The following RBBP6 variants were observed in gnomAD, a reference collection of about 807,000 sequenced individuals.
The protein encoded by RBBP6 is RB binding protein 6, ubiquitin ligase, also known as E3 ubiquitin-protein ligase RBBP6.
RBBP6 carries 25 observed loss-of-function variants against 167.7 expected under a neutral mutation model. The observed-to-expected ratio is 0.15, with a 90% CI of 0.11 to 0.21. RBBP6 has a LOEUF of 0.21. Among genes scored for constraint, RBBP6 ranks in the 10% least tolerant of loss-of-function variants. RBBP6 has a pLI of 1.00. For synonymous variants in RBBP6, 789 were observed against 735.8 expected (o/e 1.07, Z -1.17); for missense variants, 1,868 against 2,134.2 (o/e 0.88, Z 2.46).
In RBBP6 at chr16:24,569,439, A is replaced by G; in HGVS notation, c.2749A>G (p.Lys917Glu). ...GHNQKDNTKSKEKESENAPGD... is the reference protein window; with the variant it reads ...GHNQKDNTKSEEKESENAPGD... ...CAATCAGAAGGATAATACAAAGTCA[A>G]AAGAGAAGGAGAGTGAAAACGCTCC... The change falls in exon 17 of 18, where the codon AAA (lysine) becomes GAA (glutamate). Residue 917 changes from lysine (K) to glutamate (E), a missense_variant. Around this residue, in one of 7 missense-constraint regions of RBBP6, gnomAD observed 673 missense variants for 691.5 expected, o/e 0.97. Transcript: ENST00000319715. 2 of 1,613,866 alleles carry G rather than the reference A, an allele frequency of 1.2e-6. No individual in the cohort carries two copies. Among genetic ancestry groups the G allele is most frequent in the Non-Finnish European group, 1.7e-6 (2 of 1,179,970 alleles).
In RBBP6 at chr16:24,558,388, T is replaced by C. The variant is rs1033842510; in HGVS notation, c.675-1117T>C. ...CCTCTGTTCTCCTCTTTTTTTCTTTTTTTTTTTTTTCTTTTTTCTCTCTTT... is the reference window on the plus strand; with the variant it reads ...CCTCTGTTCTCCTCTTTTTTTCTTTCTTTTTTTTTTCTTTTTTCTCTCTTT... On this transcript the variant is annotated intron_variant, in intron 7 of 17. Coordinates refer to ENST00000319715, the MANE Select transcript of RBBP6 (RefSeq NM_006910.5). 17 of 796,416 alleles carry C rather than the reference T, an allele frequency of 2.1e-5. No individual in the cohort carries two copies. In the East Asian group the frequency reaches 5.0e-4, roughly 24 times the overall value. The allele number at this position is 796,416 out of a possible 1,614,324, so 49.3% of individuals were successfully genotyped here.
chr16:24,570,810 T>C (rs1207570279), intron 17 of RBBP6, 66 bp from the exon 18 acceptor site: 1 of 1,213,784 alleles, frequency 8.2e-7, no homozygotes, highest in Non-Finnish European at 1.1e-6. Context: ...ATTTTTATAT[T>C]TATCAGTGTT....
At chr16:24,563,693 A>T in intron 13 of RBBP6, 29 bp downstream of exon 13, 4 of 1,599,746 alleles carry the variant, frequency 2.5e-6, no homozygotes, top group Non-Finnish European at 3.4e-6. Context: ...TAATCTTCAG[A>T]TGATTGCCTG....
Position 24,541,203 on chromosome 16 carries a change from AC to A in RBBP6, c.166+413del, listed in dbSNP as rs770999636. Among the ~76,000 whole-genome samples, 22 of 87,980 alleles carry A rather than the reference AC, an allele frequency of 2.5e-4. 1 individual carries two copies. Among genetic ancestry groups the A allele is most frequent in the Middle Eastern group, 7.2e-3 (1 of 138 alleles). 57.7% of individuals were successfully genotyped at this position (87,980 alleles called of 152,430 possible). A position where few individuals can be genotyped will look rare whatever the true frequency, so the allele number is the denominator to read the frequency against. ...CAGCAAAAAAAAAAACAAAAAAAAA[AC>A]CAAAAAAACAATTTTCTAACCTAAC... On this transcript the variant is annotated intron_variant, in intron 1 of 17. Transcript: ENST00000319715.
At chr16:24,558,814 AAC>A (rs1439665275) in intron 7 of RBBP6, among the ~76,000 whole-genome samples, 1 of 152,234 alleles carries the variant, frequency 6.6e-6, no homozygotes, top group Non-Finnish European at 1.5e-5. Context: ...ACATTTTTGT[AAC>A]ACCGATTTTG....
chr16:24,564,257 A>C (rs1237765214), intron 13 of RBBP6, among the ~76,000 whole-genome samples: 3 of 152,182 alleles, frequency 2.0e-5, no homozygotes, highest in African/African-American at 7.2e-5. Flanking sequence ...CCGATTGAAA[A>C]TTGATATATT....
chr16:24,544,914 C>T (rs1326211912), intron 1 of RBBP6, among the ~76,000 whole-genome samples: 1 of 152,140 alleles, frequency 6.6e-6, no homozygotes, highest in South Asian at 2.1e-4. Context: ...CCCCCATATT[C>T]GGTCCATCAG....
Position 24,569,362 on chromosome 16 carries a change from G to A in RBBP6, c.2672G>A (p.Ser891Asn). Reference sequence around the variant, plus strand: ...TATGTTGGTGGGCAAAGTCATAGAAGTCGAAACATAGGTAGCAACTATCCA... The same window carrying A: ...TATGTTGGTGGGCAAAGTCATAGAAATCGAAACATAGGTAGCAACTATCCA... The part of the protein sequence containing the change: ...EDYVGGQSHR[S>N]RNIGSNYPEK... Residue 891 changes from serine (S) to asparagine (N), a missense_variant, in exon 17 of 18, where the codon AGT becomes AAT. Coordinates refer to ENST00000319715, the MANE Select transcript of RBBP6 (RefSeq NM_006910.5). The A allele has an allele frequency of 6.2e-7, 1 of 1,614,092 alleles. No individual in the cohort carries two copies. Among genetic ancestry groups the A allele is most frequent in the South Asian group, 1.1e-5 (1 of 91,078 alleles).
At chr16:24,541,721 G>A (rs568266957) in intron 1 of RBBP6, among the ~76,000 whole-genome samples, 1 of 152,244 alleles carries the variant, frequency 6.6e-6, no homozygotes, top group South Asian at 2.1e-4. Flanking sequence ...ACTTGTTTTG[G>A]TTTCTTTTTC....
rs1714490920 is a variant in RBBP6 at position 24,540,385 on chromosome 16, C to T, written c.-242C>T. On this transcript the variant is annotated 5_prime_UTR_variant, in exon 1 of 18. Transcript: ENST00000319715. ...TGCCCGTTGGCGGATTCTCGATTTC[C>T]CCTCTTCCCCGTCCTCGTCCTCCTC... 5.1e-6 allele frequency: 2 copies of T among 394,684 alleles called. No individual in the cohort carries two copies. The highest frequency in any genetic ancestry group is 9.2e-6 in the Non-Finnish European group (2 of 218,110). 24.4% of individuals were successfully genotyped at this position (394,684 alleles called of 1,614,324 possible).
In RBBP6 at chr16:24,569,965, A is replaced by G. The variant is rs779657084; in HGVS notation, c.3275A>G (p.His1092Arg). Residue 1092 changes from histidine (H) to arginine (R), a missense_variant, in exon 17 of 18, where the codon CAC becomes CGC. Transcript: ENST00000319715. ...EKITGTPRKA[H>R]SKSAKEHQET... The stretch of plus-strand genomic sequence containing the variant: ...ATCACTGGAACCCCCAGAAAAGCTC[A>G]CTCTAAATCAGCAAAAGAACACCAA... 1.9e-6 allele frequency: 3 copies of G among 1,594,708 alleles called. No homozygotes were observed. Among genetic ancestry groups the G allele is most frequent in the Admixed American group, 3.7e-5 (2 of 53,802 alleles).
intron 16 of RBBP6, 53 bp downstream of exon 16, chr16:24,567,946 C>G (rs1174632987): frequency 5.6e-6 from 8 of 1,430,056 alleles, no homozygotes; most frequent in Non-Finnish European, 4.9e-6. Context: ...CTTTGAATAT[C>G]CAGGGATTAG....
At position 24,540,301 on chromosome 16, in the gene RBBP6, T is replaced by C. The variant is rs1289440563; in HGVS notation, c.-326T>C. On this transcript the variant is annotated 5_prime_UTR_variant, in exon 1 of 18. Transcript: ENST00000319715. ...TGACCGCTACTGACTGCACCGCCAA[T>C]CCCCCCGTCTCTGCCGGCCCCTTAG... 1 of 241,882 alleles carries C rather than the reference T, an allele frequency of 4.1e-6. No homozygotes were observed. Among genetic ancestry groups the C allele is most frequent in the East Asian group, 9.9e-5 (1 of 10,136 alleles). The allele number at this position is 241,882 out of a possible 1,614,324, so 15.0% of individuals were successfully genotyped here.
chr16:24,544,430 T>A (rs1468617817), intron 1 of RBBP6, among the ~76,000 whole-genome samples: 1 of 152,164 alleles, frequency 6.6e-6, no homozygotes, highest in East Asian at 1.9e-4. Context: ...AAATAACCCT[T>A]GCCTGAACAA....
At chr16:24,568,537 T>C (rs1899246903) in intron 16 of RBBP6, among the ~76,000 whole-genome samples, 1 of 152,246 alleles carries the variant, frequency 6.6e-6, no homozygotes, top group Non-Finnish European at 1.5e-5. Flanking sequence ...TTGTTAAGAC[T>C]TCACTTTTGT....
intron 2 of RBBP6, 111 bp downstream of exon 2, chr16:24,546,373 T>G: frequency 8.1e-7 from 1 of 1,228,906 alleles, no homozygotes; most frequent in Non-Finnish European, 1.0e-6. Flanking sequence ...CCTTAATGAA[T>G]ACATCTTCTC....
Position 24,572,297 on chromosome 16 carries a change from A to C in RBBP6, c.5231A>C (p.His1744Pro). Reference sequence around the variant, plus strand: ...AAAAAACACAAGAAACATAAAAAGCATAAGAAGCATAAGAAACATGCAGGC... The same window carrying C: ...AAAAAACACAAGAAACATAAAAAGCCTAAGAAGCATAAGAAACATGCAGGC... ...EKKKHKKHKK[H>P]KKHKKHAGTE... Residue 1744 changes from histidine (H) to proline (P), a missense_variant, in exon 18 of 18, where the codon CAT becomes CCT. Coordinates refer to ENST00000319715, the MANE Select transcript of RBBP6 (RefSeq NM_006910.5). The C allele has an allele frequency of 6.3e-7, 1 of 1,584,484 alleles. No individual in the cohort carries two copies. The highest frequency in any genetic ancestry group is 8.6e-7 in the Non-Finnish European group (1 of 1,164,836).
intron 7 of RBBP6, 54 bp from the exon 8 acceptor site, chr16:24,559,451 C>T (rs1341819442): frequency 2.2e-5 from 31 of 1,423,780 alleles, no homozygotes; most frequent in Non-Finnish European, 2.5e-5. Flanking sequence ...GAACATGTAG[C>T]ATGAGTACTC....
At chr16:24,548,862 A>C in intron 2 of RBBP6, 83 bp from the exon 3 acceptor site, 1 of 1,131,336 alleles carries the variant, frequency 8.8e-7, no homozygotes, top group East Asian at 2.6e-5. Context: ...AAAATGTATT[A>C]TTGAAGATAA....
Sources: allele counts gnomAD v4.1 joint callset (sites outside exome capture counted in the v4.1 genomes callset), GRCh38; gene constraint gnomAD v4.1.1; regional missense constraint gnomAD v4.1.1; transcripts MANE v1.5; gene names NCBI Gene and HGNC (gene_info 2026-07-23, HGNC 2026-07-21).